Variants in NFKBIB observed in about 807,000 individuals in gnomAD.
NFKBIB encodes NFKB inhibitor beta, also known as NF-kappa-B inhibitor beta.
In NFKBIB, 16 loss-of-function variants were observed where a neutral mutation model predicts 32.1. That is an observed-to-expected ratio of 0.50 (90% CI 0.34 to 0.76). The LOEUF is 0.76. Among genes scored for constraint, NFKBIB ranks in the 30% least tolerant of loss-of-function variants. NFKBIB has a pLI of 0.01. For missense variants in NFKBIB, 437 were observed against 514.9 expected (o/e 0.85, Z 1.46); for synonymous variants, 222 against 219.5 (o/e 1.01, Z -0.10).
chr19:38,899,807 A>T (rs1973877032), upstream of NFKBIB: 4 of 682,980 alleles, frequency 5.9e-6, no homozygotes, highest in African/African-American at 1.8e-5. Flanking sequence ...ATGTTGGTAA[A>T]GGGCGCCCGG....
chr19:38,907,394 C>G lies in NFKBIB; in HGVS notation c.709-5C>G, dbSNP rs1442446063. 1.3e-6 allele frequency: 2 copies of G among 1,588,834 alleles called. No homozygotes were observed. The highest frequency in any genetic ancestry group is 1.7e-6 in the Non-Finnish European group (2 of 1,162,904). On this transcript the variant is annotated splice_region_variant and splice_polypyrimidine_tract_variant and intron_variant, in intron 4 of 5. Transcript: ENST00000313582. The stretch of plus-strand genomic sequence containing the variant: ...CCCTCTGACCTTTCTGTTGCACCCC[C>G]ACAGGAGCCCACGTGCGGCCGGAGC...
Position 38,905,095 on chromosome 19 carries a change from T to C in NFKBIB, c.260T>C (p.Met87Thr), listed in dbSNP as rs146288310. 25 of 1,614,102 alleles carry C rather than the reference T, an allele frequency of 1.5e-5. No individual in the cohort carries two copies. Among genetic ancestry groups the C allele is most frequent in the Middle Eastern group, 1.6e-4 (1 of 6,084 alleles). ...GGCTTCTCGGCCGGCACTGAGTACA[T>C]GGACCTGCAGAATGACCTAGGCCAG... ...LLGFSAGTEY[M>T]DLQNDLGQTA... is the part of the protein sequence containing the mutation. The change falls in exon 2 of 6, where the codon ATG becomes ACG. Residue 87 changes from methionine to threonine, a missense_variant. Met to Thr is a moderately conservative substitution (Grantham distance 81). Coordinates refer to ENST00000313582, the MANE Select transcript of NFKBIB (RefSeq NM_002503.5). This position sits in a 1 kb window ranked among gnomAD's most constrained non-coding sequence, Gnocchi z 5.5.
upstream of NFKBIB, chr19:38,899,722 C>T (rs1207484075): frequency 4.9e-5 from 38 of 780,996 alleles, no homozygotes; most frequent in South Asian, 4.3e-4. Context: ...CGTACAACAC[C>T]CAGAGCGCCC....
At chr19:38,899,947 T>G, upstream of NFKBIB, 2 of 1,369,970 alleles carry the variant, frequency 1.5e-6, no homozygotes, top group Non-Finnish European at 1.9e-6. Context: ...GGTGGGGAAT[T>G]TCCCGCAGGG....
At chr19:38,900,335 T>C (rs563825989) in intron 1 of NFKBIB, 124 bp downstream of exon 1, 2 of 1,106,568 alleles carry the variant, frequency 1.8e-6, no homozygotes, top group Non-Finnish European at 2.5e-6. Flanking sequence ...CTGAACTTCC[T>C]GACCTCTAAC....
At chr19:38,902,763 CAG>C (rs1212564808) in intron 1 of NFKBIB, among the ~76,000 whole-genome samples, 10 of 152,224 alleles carry the variant, frequency 6.6e-5, no homozygotes, top group African/African-American at 2.4e-4. Flanking sequence ...ACTGACACAG[CAG>C]AGTCGAGTAG....
chr19:38,899,768 G>A (rs1600138550), upstream of NFKBIB: 1 of 687,628 alleles, frequency 1.5e-6, no homozygotes, highest in Non-Finnish European at 2.5e-6. Context: ...ACCGGACTAC[G>A]AGTCCCAGAA....
At chr19:38,899,852 C>T, upstream of NFKBIB, 1 of 741,022 alleles carries the variant, frequency 1.3e-6, no homozygotes, top group Admixed American at 2.9e-5. Flanking sequence ...TGTAGTCCTC[C>T]CGAATACTCT....
chr19:38,905,355 C>G lies in NFKBIB; in HGVS notation c.439C>G (p.Leu147Val), dbSNP rs1156436207. 1.9e-6 allele frequency: 3 copies of G among 1,611,946 alleles called. No individual in the cohort carries two copies. In the South Asian group the frequency reaches 3.3e-5, roughly 18 times the overall value. Reference sequence around the variant, plus strand: ...GGCACACGCCTGTGCCCGTGCCCTGCTTCAGCCCCGCCCCCGGCGCCCCAG... The same window carrying G: ...GGCACACGCCTGTGCCCGTGCCCTGGTTCAGCCCCGCCCCCGGCGCCCCAG... ...VGAHACARAL[L>V]QPRPRRPREA... The change falls in exon 3 of 6, where the codon CTT becomes GTT. Residue 147 changes from leucine to valine, a missense_variant. Transcript: ENST00000313582. The surrounding 1 kb of genome is among the most constrained non-coding windows in gnomAD (Gnocchi z 5.5).
intron 3 of NFKBIB, among the ~76,000 whole-genome samples, chr19:38,906,099 C>T (rs1423729733): frequency 3.3e-5 from 5 of 151,802 alleles, no homozygotes; most frequent in African/African-American, 1.2e-4. Context: ...GCCTCTCGCC[C>T]CCAGGTCACA....
At chr19:38,906,178 A>G (rs1009192995) in intron 3 of NFKBIB, among the ~76,000 whole-genome samples, 3 of 123,086 alleles carry the variant, frequency 2.4e-5, no homozygotes, top group Non-Finnish European at 4.7e-5. Flanking sequence ...CTCTGTTGCC[A>G]GGTTGGAGTT....
Position 38,905,021 on chromosome 19 carries a change from G to A in NFKBIB, c.186G>A (p.Leu62=). The A allele has an allele frequency of 6.2e-7, 1 of 1,614,102 alleles. No homozygotes were observed. Among genetic ancestry groups the A allele is most frequent in the Non-Finnish European group, 8.5e-7 (1 of 1,179,986 alleles). Residue 62 remains leucine (L), a synonymous_variant, in exon 2 of 6, where the codon CTG becomes CTA. Coordinates refer to ENST00000313582, the MANE Select transcript of NFKBIB (RefSeq NM_002503.5). The surrounding 1 kb of genome is among the most constrained non-coding windows in gnomAD (Gnocchi z 5.5). The stretch of plus-strand genomic sequence containing the variant: ...CCCCGGTCTTTGTCCCCAGGGCACT[G>A]CACTTGGCTGTGATTCATCAGCATG... ...GYVTEDGDTA[L]HLAVIHQHEP...
chr19:38,899,772 C>T, upstream of NFKBIB: 1 of 680,232 alleles, frequency 1.5e-6, no homozygotes, highest in Non-Finnish European at 2.5e-6. Context: ...GACTACGAGT[C>T]CCAGAAGGCG....
chr19:38,902,098 T>TTTTTTTTTTTTTTTTTTTGTTGGG (rs56689256), intron 1 of NFKBIB, among the ~76,000 whole-genome samples: 2 of 141,216 alleles, frequency 1.4e-5, no homozygotes, highest in African/African-American at 5.2e-5. Context: ...TTTTTTTTTT[T>TTTTTTTTTTTTTTTTTTTGTTGGG]GAGATGGAGT....
rs1469464059 is a variant in NFKBIB at position 38,905,387 on chromosome 19, C to A, written c.471C>A (p.Ala157=). 1 of 1,613,582 alleles carries A rather than the reference C, an allele frequency of 6.2e-7. No individual in the cohort carries two copies. Among genetic ancestry groups the A allele is most frequent in the East Asian group, 2.2e-5 (1 of 44,868 alleles). Reference sequence around the variant, plus strand: ...CCCGCCCCCGGCGCCCCAGGGAAGCCCCCGACACCTACCTCGCTCAGGGCC... The same window carrying A: ...CCCGCCCCCGGCGCCCCAGGGAAGCACCCGACACCTACCTCGCTCAGGGCC... The part of the protein sequence containing the change: ...LQPRPRRPRE[A]PDTYLAQGPD... Residue 157 remains alanine, a synonymous_variant, in exon 3 of 6, where the codon GCC becomes GCA. Coordinates refer to ENST00000313582, the MANE Select transcript of NFKBIB (RefSeq NM_002503.5). This position sits in a 1 kb window ranked among gnomAD's most constrained non-coding sequence, Gnocchi z 5.5.
At chr19:38,899,873 G>C (rs201159769), upstream of NFKBIB, 25 of 771,442 alleles carry the variant, frequency 3.2e-5, no homozygotes, top group Non-Finnish European at 4.9e-5. Context: ...GATTGGTCAG[G>C]ATGCAGTACG....
chr19:38,907,140 T>G, intron 3 of NFKBIB, 81 bp from the exon 4 acceptor site: 2 of 1,312,992 alleles, frequency 1.5e-6, no homozygotes, highest in Admixed American at 3.9e-5. Context: ...TCACGCCACA[T>G]GACCCTCCCC....
intron 3 of NFKBIB, among the ~76,000 whole-genome samples, chr19:38,906,372 G>A (rs1054911683): frequency 2.0e-5 from 3 of 151,476 alleles, no homozygotes; most frequent in South Asian, 2.1e-4. Context: ...TTGAACTCCT[G>A]GCCTGGCCTT....
In NFKBIB at chr19:38,905,542, GTCGTCACCAGGGAAGGAC is replaced by G; in HGVS notation, c.619+10_619+27del. On this transcript the variant is annotated splice_region_variant and intron_variant, in intron 3 of 5. Coordinates refer to ENST00000313582, the MANE Select transcript of NFKBIB (RefSeq NM_002503.5). The surrounding 1 kb of genome is among the most constrained non-coding windows in gnomAD (Gnocchi z 5.5). ...GAGGCTGAAAACTACGAGGGTGAGG[GTCGTCACCAGGGAAGGAC>G]TCAGCTCCTGGGCTAGGCGAGAGCA... The G allele has an allele frequency of 1.3e-6, 2 of 1,591,058 alleles. No homozygotes were observed.
Sources: allele counts gnomAD v4.1 joint callset (sites outside exome capture counted in the v4.1 genomes callset), GRCh38; gene constraint gnomAD v4.1.1; non-coding constraint Gnocchi (gnomAD v3.1); transcripts MANE v1.5; gene names NCBI Gene and HGNC (gene_info 2026-07-23, HGNC 2026-07-21).